The following IL1RAPL2 variants were observed in gnomAD, a reference collection of about 807,000 sequenced individuals.
The protein encoded by IL1RAPL2 is interleukin 1 receptor accessory protein like 2, also known as X-linked interleukin-1 receptor accessory protein-like 2.
Under a neutral mutation model 44.1 loss-of-function variants are expected in IL1RAPL2, and 3 were observed. The ratio of observed to expected loss-of-function variants is 0.07; its 90% confidence interval spans 0.03 to 0.18. The LOEUF is 0.18. IL1RAPL2 is among the 10% of genes least tolerant of loss of function. IL1RAPL2 has a pLI of 1.00. For missense variants in IL1RAPL2, 391 were observed against 496.4 expected (o/e 0.79, Z 2.02); for synonymous variants, 181 against 178.8 (o/e 1.01, Z -0.10).
chrX:104,691,475 T>C (rs1047458885), intron 2 of IL1RAPL2, among the ~76,000 whole-genome samples: 1 of 112,462 alleles, frequency 8.9e-6, no homozygotes, highest in Admixed American at 9.4e-5. Context: ...GGAATCTTTC[T>C]AGTTTGTTAT....
At chrX:105,615,091 T>C (rs1026003902) in intron 6 of IL1RAPL2, among the ~76,000 whole-genome samples, 4 of 112,123 alleles carry the variant, frequency 3.6e-5, no homozygotes, top group Non-Finnish European at 5.6e-5. Flanking sequence ...CTTAGCATCA[T>C]TGATTATCAG....
chrX:105,116,012 C>T (rs184258471), intron 2 of IL1RAPL2, among the ~76,000 whole-genome samples: 60 of 113,312 alleles, frequency 5.3e-4, no homozygotes, highest in African/African-American at 1.8e-3. Flanking sequence ...AGTGCGGGGC[C>T]GCTGAGCCCA....
chrX:105,005,783 T>C (rs189636633), intron 2 of IL1RAPL2, among the ~76,000 whole-genome samples: 6 of 111,057 alleles, frequency 5.4e-5, no homozygotes, highest in African/African-American at 1.6e-4. Context: ...TTATACAAAC[T>C]TAAATAACAG....
chrX:105,477,136 AT>A (rs1300646472), intron 5 of IL1RAPL2, among the ~76,000 whole-genome samples: 1 of 111,938 alleles, frequency 8.9e-6, no homozygotes, highest in Admixed American at 9.5e-5. Flanking sequence ...TGGAGAAGAA[AT>A]TTCTCTAAAA....
chrX:104,871,722 T>C (rs188671635), intron 2 of IL1RAPL2, among the ~76,000 whole-genome samples: 1 of 111,845 alleles, frequency 8.9e-6, no homozygotes, highest in East Asian at 2.8e-4. Flanking sequence ...CTGAGATATC[T>C]TCAATATTAA....
chrX:105,152,747 T>C (rs2147590149), intron 2 of IL1RAPL2, among the ~76,000 whole-genome samples: 1 of 112,188 alleles, frequency 8.9e-6, no homozygotes, highest in East Asian at 2.8e-4. Flanking sequence ...TGGGTATATA[T>C]AACACCATTA....
intron 6 of IL1RAPL2, among the ~76,000 whole-genome samples, chrX:105,682,622 C>G (rs1463789486): frequency 5.4e-5 from 6 of 111,797 alleles, no homozygotes; most frequent in Non-Finnish European, 1.9e-5. Flanking sequence ...AGCAGTATAC[C>G]ATTTCTGAAA....
intron 2 of IL1RAPL2, among the ~76,000 whole-genome samples, chrX:105,078,744 C>G (rs1211721365): frequency 8.9e-6 from 1 of 112,417 alleles, no homozygotes; most frequent in African/African-American, 3.2e-5. Flanking sequence ...GTCGCCCCTC[C>G]CCCAGCCTCG....
intron 2 of IL1RAPL2, among the ~76,000 whole-genome samples, chrX:104,900,436 C>T (rs548314893): frequency 1.8e-4 from 20 of 111,048 alleles, no homozygotes; most frequent in Admixed American, 1.6e-3. Context: ...TTCTTGAAGG[C>T]GGAGAGTCTC....
chrX:104,955,901 GA>G (rs1362184691), intron 2 of IL1RAPL2, among the ~76,000 whole-genome samples: 6 of 111,474 alleles, frequency 5.4e-5, no homozygotes, highest in Non-Finnish European at 1.1e-4. Context: ...ATAATTTGGG[GA>G]AAAAAATAGG....
chrX:105,565,264 A>G (rs1202011878), intron 6 of IL1RAPL2, among the ~76,000 whole-genome samples: 1 of 111,541 alleles, frequency 9.0e-6, no homozygotes, highest in Non-Finnish European at 1.9e-5. Context: ...GGCTCTATAG[A>G]GCCAGGAGAT....
intron 1 of IL1RAPL2, among the ~76,000 whole-genome samples, chrX:104,620,021 TGA>T (rs1483966331): frequency 2.7e-5 from 3 of 110,600 alleles, no homozygotes; most frequent in African/African-American, 9.9e-5. Context: ...GCCCTGGAGA[TGA>T]GAGAGAAAAT....
intron 2 of IL1RAPL2, among the ~76,000 whole-genome samples, chrX:104,720,639 A>G (rs748893942): frequency 9.1e-4 from 102 of 111,860 alleles, no homozygotes; most frequent in Non-Finnish European, 3.8e-4. Flanking sequence ...AGGGCAATGA[A>G]GATGTTTTGT....
intron 2 of IL1RAPL2, among the ~76,000 whole-genome samples, chrX:105,010,712 T>A (rs1310940726): frequency 9.0e-6 from 1 of 111,400 alleles, no homozygotes; most frequent in Non-Finnish European, 1.9e-5. Flanking sequence ...CTGCACGGAC[T>A]GGGCCTGAGG....
At chrX:105,344,429 C>T (rs1347029960) in intron 5 of IL1RAPL2, among the ~76,000 whole-genome samples, 1 of 111,116 alleles carries the variant, frequency 9.0e-6, no homozygotes, top group African/African-American at 3.3e-5. Flanking sequence ...AGCTGTTGAC[C>T]TCATGTCTGT....
intron 10 of IL1RAPL2, among the ~76,000 whole-genome samples, chrX:105,761,672 G>A (rs377148956): frequency 1.8e-5 from 2 of 111,829 alleles, no homozygotes; most frequent in South Asian, 3.7e-4. Flanking sequence ...CTGTTTTGAT[G>A]CATCCTGTCT....
At chrX:105,047,665 C>G (rs957920595) in intron 2 of IL1RAPL2, among the ~76,000 whole-genome samples, 3 of 111,517 alleles carry the variant, frequency 2.7e-5, no homozygotes, top group African/African-American at 9.8e-5. Flanking sequence ...TAAAAAGTGC[C>G]TGCTCTAGCT....
chrX:104,889,674 C>T (rs918813887), intron 2 of IL1RAPL2, among the ~76,000 whole-genome samples: 6 of 111,568 alleles, frequency 5.4e-5, no homozygotes, highest in Non-Finnish European at 1.9e-5. Flanking sequence ...TTAGGAATGG[C>T]TACTGCTACA....
At chrX:105,379,043 C>T (rs2035409247) in intron 5 of IL1RAPL2, among the ~76,000 whole-genome samples, 1 of 111,668 alleles carries the variant, frequency 9.0e-6, no homozygotes, top group Non-Finnish European at 1.9e-5. Context: ...TTAATGATGT[C>T]TGAGGTCTTT....
Sources: gnomAD v4.1 joint callset for allele counts (sites outside exome capture counted in the v4.1 genomes callset) on GRCh38, gnomAD v4.1.1 for gene constraint, MANE v1.5 for transcripts, NCBI Gene and HGNC (gene_info 2026-07-23, HGNC 2026-07-21) for gene names.